Variants in RBPMS observed in about 807,000 individuals in gnomAD.
RBPMS encodes RNA binding protein, mRNA processing factor.
RBPMS carries 7 observed loss-of-function variants against 26.8 expected under a neutral mutation model. That is an observed-to-expected ratio of 0.26 (90% CI 0.15 to 0.49). The LOEUF (loss-of-function observed/expected upper bound fraction) is 0.49, where lower values mean the gene tolerates loss of function less well. Ranked by LOEUF, RBPMS falls within the 20% of genes least tolerant of loss-of-function variation. The probability of loss-of-function intolerance (pLI) is 0.98; values close to 1 mark genes in which losing one functional copy is unlikely to be tolerated. For missense variants in RBPMS, 186 were observed against 250.0 expected, an observed-to-expected ratio of 0.74 and a Z score of 1.73; for synonymous variants, 96 against 93.3, an observed-to-expected ratio of 1.03 and a Z score of -0.17.
At chr8:30,486,375 C>CA (rs1192814308) in intron 4 of RBPMS, among the ~76,000 whole-genome samples, 1 of 141,314 alleles carries the variant, frequency 7.1e-6, no homozygotes, top group Non-Finnish European at 1.6e-5. Context: ...AAAAAAAAAA[C>CA]AAAAAACAGG....
intron 1 of RBPMS, among the ~76,000 whole-genome samples, chr8:30,387,642 G>A (rs1363115647): frequency 6.6e-6 from 1 of 152,088 alleles, no homozygotes; most frequent in Non-Finnish European, 1.5e-5. Flanking sequence ...TGTAATTTCT[G>A]GTAGCCATTG....
At chr8:30,496,173 CTT>C (rs34079966) in intron 4 of RBPMS, among the ~76,000 whole-genome samples, 17 of 144,918 alleles carry the variant, frequency 1.2e-4, no homozygotes, top group Admixed American at 2.1e-4. Flanking sequence ...TTGCGCATTT[CTT>C]TTTTTTTTTT....
chr8:30,520,872 T>G (rs1287026160), intron 5 of RBPMS, among the ~76,000 whole-genome samples: 1 of 152,126 alleles, frequency 6.6e-6, no homozygotes, highest in African/African-American at 2.4e-5. Flanking sequence ...GGAACTACAG[T>G]AGAACACTGG....
At chr8:30,490,244 A>G (rs896734807) in intron 4 of RBPMS, among the ~76,000 whole-genome samples, 3 of 152,348 alleles carry the variant, frequency 2.0e-5, no homozygotes, top group African/African-American at 7.2e-5. Flanking sequence ...TCAGGGAAAC[A>G]CAGTTGCAAT....
intron 6 of RBPMS, among the ~76,000 whole-genome samples, chr8:30,549,859 T>C (rs1307483871): frequency 6.6e-6 from 1 of 150,748 alleles, no homozygotes; most frequent in Admixed American, 6.6e-5. Flanking sequence ...CTTTCTTCTT[T>C]TTTTTTTCTG....
chr8:30,498,130 A>G (rs887728984), intron 4 of RBPMS, among the ~76,000 whole-genome samples: 3 of 151,652 alleles, frequency 2.0e-5, no homozygotes, highest in Non-Finnish European at 2.9e-5. Context: ...AGTTCAGTAC[A>G]TATGCCTCAG....
intron 6 of RBPMS, among the ~76,000 whole-genome samples, chr8:30,555,296 C>G (rs1205182185): frequency 6.6e-6 from 1 of 151,652 alleles, no homozygotes; most frequent in Non-Finnish European, 1.5e-5. Context: ...GGTAGAATCC[C>G]AAACAGTGTG....
At position 30,504,435 on chromosome 8, in the gene RBPMS, A is replaced by G. The variant is rs778059959; in HGVS notation, c.396A>G (p.Pro132=). ...NTVPQFIARE[P]YELTVPALYP... is the part of the protein sequence containing the mutation. ...TACCTCAGTTCATTGCCAGAGAGCC[A>G]TGTAAGTCGATCTACTTTTCATTCA... Residue 132 remains proline (P), a splice_region_variant and synonymous_variant, in exon 5 of 9, where the codon CCA becomes CCG. Coordinates refer to ENST00000397323, the MANE Select transcript of RBPMS (RefSeq NM_001008710.3). 1.1e-5 allele frequency: 17 copies of G among 1,613,714 alleles called. No homozygotes were observed. In the Admixed American group the frequency reaches 2.8e-4, roughly 27 times the overall value.
At chr8:30,473,643 G>A (rs1472125091) in intron 1 of RBPMS, among the ~76,000 whole-genome samples, 4 of 152,142 alleles carry the variant, frequency 2.6e-5, no homozygotes, top group South Asian at 2.1e-4. Context: ...ATACATGCAC[G>A]TGTATGTTCA....
intron 4 of RBPMS, among the ~76,000 whole-genome samples, chr8:30,487,798 A>G (rs575333058): frequency 1.1e-4 from 17 of 152,172 alleles, no homozygotes; most frequent in Non-Finnish European, 2.5e-4. Context: ...TAAAGCTAAC[A>G]TTTATAGAAA....
intron 1 of RBPMS, among the ~76,000 whole-genome samples, chr8:30,393,345 C>G (rs1808012975): frequency 6.6e-6 from 1 of 151,964 alleles, no homozygotes; most frequent in Admixed American, 6.6e-5. Flanking sequence ...TTTGCCAACC[C>G]TGCACCTAAA....
intron 5 of RBPMS, among the ~76,000 whole-genome samples, chr8:30,541,683 A>G (rs1243371092): frequency 6.6e-6 from 1 of 152,070 alleles, no homozygotes. Context: ...CTTGGGCAGC[A>G]ATCTTTGTCT....
At chr8:30,385,515 T>G in intron 1 of RBPMS, 1 of 183,796 alleles carries the variant, frequency 5.4e-6, no homozygotes, top group Non-Finnish European at 1.1e-5. Context: ...GGAAATTGTG[T>G]ATGGATTCAG....
chr8:30,460,322 G>A (rs1236329759), intron 1 of RBPMS, among the ~76,000 whole-genome samples: 1 of 152,204 alleles, frequency 6.6e-6, no homozygotes, highest in Non-Finnish European at 1.5e-5. Flanking sequence ...GCGAATTAGA[G>A]AAAGGCACTA....
intron 1 of RBPMS, among the ~76,000 whole-genome samples, chr8:30,422,273 G>A: frequency 6.6e-6 from 1 of 151,756 alleles, no homozygotes; most frequent in East Asian, 1.9e-4. Context: ...CCTCCATCAT[G>A]TCTGGCTAAT....
intron 4 of RBPMS, among the ~76,000 whole-genome samples, chr8:30,492,964 A>G (rs1819554702): frequency 6.6e-6 from 1 of 152,140 alleles, no homozygotes; most frequent in African/African-American, 2.4e-5. Flanking sequence ...TTGACAGGGC[A>G]TGGTTTCTAT....
rs567912623 is a variant in RBPMS at position 30,550,795 on chromosome 8, C to G, written c.528+6171C>G. Among the ~76,000 whole-genome samples, 186 of 152,348 alleles carry G rather than the reference C, an allele frequency of 1.2e-3. 1 individual carries two copies. The highest frequency in any genetic ancestry group is 4.4e-3 in the African/African-American group (182 of 41,578). ...AGGCTGGACACGGCCACCGGAACCC[C>G]CTTCTGACAGGAAATACATCCGGGG... On this transcript the variant is annotated intron_variant, in intron 6 of 8. Transcript: ENST00000397323.
chr8:30,457,012 T>C (rs1815298710), intron 1 of RBPMS, among the ~76,000 whole-genome samples: 1 of 152,242 alleles, frequency 6.6e-6, no homozygotes, highest in African/African-American at 2.4e-5. Context: ...TTGGTCGTAC[T>C]AAAACACAGA....
intron 4 of RBPMS, among the ~76,000 whole-genome samples, chr8:30,502,287 G>A (rs4733494): frequency 1 from 151,663 of 152,184 alleles, 75,572 homozygotes; most frequent in Middle Eastern, 1. Context: ...GACTCAAGCC[G>A]CCAGCCCAGG....
Sources: gnomAD v4.1 joint callset for allele counts (sites outside exome capture counted in the v4.1 genomes callset) on GRCh38, gnomAD v4.1.1 for gene constraint, MANE v1.5 for transcripts, NCBI Gene and HGNC (gene_info 2026-07-23, HGNC 2026-07-21) for gene names.